SMAD2: variants seen among roughly 807,000 people sequenced by gnomAD.
SMAD2 encodes SMAD family member 2.
In SMAD2, 8 loss-of-function variants were observed where a neutral mutation model predicts 64.4. The ratio of observed to expected loss-of-function variants is 0.12; its 90% CI spans 0.07 to 0.22. The LOEUF is 0.22. SMAD2 is among the 10% of genes least tolerant of loss of function. The pLI is 1.00. For missense variants in SMAD2, 289 were observed against 561.2 expected, an observed-to-expected ratio of 0.51 and a Z score of 4.90; for synonymous variants, 203 against 195.8, an observed-to-expected ratio of 1.04 and a Z score of -0.31.
rs1273900316 is a variant in SMAD2, at chr18:47,820,935, ACACAC to A, written c.*20887_*20891del. ...CACACACACACACACACACACACAC[ACACAC>A]AAAATTTGGTCCCCAATGTTAGAAC... On this transcript the variant is annotated 3_prime_UTR_variant, in exon 11 of 11. Transcript: ENST00000262160. 2 of 145,728 alleles carry A rather than the reference ACACAC, an allele frequency of 1.4e-5. No individual in the cohort carries two copies. The highest frequency in any genetic ancestry group is 5.1e-5 in the African/African-American group (2 of 39,412). The allele number at this position is 145,728 out of a possible 1,614,324, so 9.0% of individuals were successfully genotyped here.
chr18:47,871,700 T>C (rs2031942715), intron 2 of SMAD2, among the ~76,000 whole-genome samples: 1 of 152,204 alleles, frequency 6.6e-6, no homozygotes, highest in Non-Finnish European at 1.5e-5. Flanking sequence ...TTTACCAGAC[T>C]ATAAAAGCCA....
chr18:47,908,482 G>C (rs1462314828), intron 1 of SMAD2, among the ~76,000 whole-genome samples: 1 of 151,572 alleles, frequency 6.6e-6, no homozygotes, highest in Admixed American at 6.6e-5. Context: ...AAAAAACTAA[G>C]AAAAAGGTAT....
Position 47,877,161 on chromosome 18 carries a change from A to ATT in SMAD2, c.237-6599_237-6598dup, listed in dbSNP as rs71162898. Among the ~76,000 whole-genome samples, 171 of 143,972 alleles carry ATT rather than the reference A, an allele frequency of 1.2e-3. 5 individuals are homozygous for ATT. Among genetic ancestry groups the ATT allele is most frequent in the Admixed American group, 9.6e-3 (139 of 14,442 alleles). 94.5% of individuals were successfully genotyped at this position (143,972 alleles called of 152,430 possible). ...CATGATCTTCTTGCCTAAACAGTGT[A>ATT]TTTTTTTTTTTTTTTAACAAATCAA... is the stretch of plus-strand genomic sequence containing the variant. On this transcript the variant is annotated intron_variant, in intron 2 of 10. Transcript: ENST00000262160.
chr18:47,846,739 A>C (rs926530793), intron 8 of SMAD2, among the ~76,000 whole-genome samples: 2 of 152,162 alleles, frequency 1.3e-5, no homozygotes, highest in Non-Finnish European at 2.9e-5. Context: ...AACACAAGCC[A>C]GCTGATACCT....
rs956437762 is a variant in SMAD2, at chr18:47,839,194, G to A, written c.*2633C>T. ...TTGAGTCCCAATTTCATACTGTACA[G>A]AAAAATCGCATCAGAACTGTAGAGA... is the stretch of plus-strand genomic sequence containing the variant. On this transcript the variant is annotated 3_prime_UTR_variant, in exon 11 of 11. Transcript: ENST00000262160. 1 of 233,192 alleles carries A rather than the reference G, an allele frequency of 4.3e-6. No individual in the cohort carries two copies. The highest frequency in any genetic ancestry group is 8.5e-6 in the Non-Finnish European group (1 of 118,044). 14.4% of individuals were successfully genotyped at this position (233,192 alleles called of 1,614,324 possible).
At chr18:47,921,081 CT>C (rs2034541196) in intron 1 of SMAD2, among the ~76,000 whole-genome samples, 1 of 152,178 alleles carries the variant, frequency 6.6e-6, no homozygotes, top group Non-Finnish European at 1.5e-5. Context: ...AACTTGACCC[CT>C]GGCAGTCAAG....
intron 1 of SMAD2, among the ~76,000 whole-genome samples, chr18:47,901,026 G>T (rs761187143): frequency 3.3e-5 from 5 of 152,096 alleles, no homozygotes; most frequent in Non-Finnish European, 7.4e-5. Flanking sequence ...GGGAAAAGAT[G>T]GTTAATACCA....
At chr18:47,873,802 C>A (rs1396277067) in intron 2 of SMAD2, among the ~76,000 whole-genome samples, 1 of 152,142 alleles carries the variant, frequency 6.6e-6, no homozygotes, top group Non-Finnish European at 1.5e-5. Context: ...GCTGTGTACC[C>A]AAGGGCACTC....
chr18:47,914,929 T>G (rs754418489), intron 1 of SMAD2, among the ~76,000 whole-genome samples: 14 of 152,208 alleles, frequency 9.2e-5, no homozygotes, highest in Non-Finnish European at 1.9e-4. Context: ...GTACTCCGAC[T>G]ATGCAAATGA....
intron 2 of SMAD2, among the ~76,000 whole-genome samples, chr18:47,890,214 T>C (rs1282733222): frequency 6.6e-6 from 1 of 152,202 alleles, no homozygotes; most frequent in Non-Finnish European, 1.5e-5. Context: ...TCATCACAAG[T>C]GCTTTCACAT....
chr18:47,900,470 A>G (rs1209200488), intron 1 of SMAD2, among the ~76,000 whole-genome samples: 1 of 151,972 alleles, frequency 6.6e-6, no homozygotes, highest in African/African-American at 2.4e-5. Context: ...TTCAATTCCT[A>G]TTATTTAAAT....
In SMAD2 at chr18:47,816,272, G is replaced by T. The variant is rs768575539; in HGVS notation, c.*25555C>A. ...ATTGTTCAGAAGTTTTAGGTCTTATGAAAAAAAGATTTTTATAAATTATAC... is the reference window on the plus strand; with the variant it reads ...ATTGTTCAGAAGTTTTAGGTCTTATTAAAAAAAGATTTTTATAAATTATAC... On this transcript the variant is annotated 3_prime_UTR_variant, in exon 11 of 11. Transcript: ENST00000262160. The T allele has an allele frequency of 3.3e-5, 5 of 151,888 alleles. No individual in the cohort carries two copies. The highest frequency in any genetic ancestry group is 7.4e-5 in the Non-Finnish European group (5 of 67,962). 9.4% of individuals were successfully genotyped at this position (151,888 alleles called of 1,614,324 possible).
intron 2 of SMAD2, among the ~76,000 whole-genome samples, chr18:47,886,076 T>TC (rs771449427): frequency 1.7e-4 from 26 of 152,200 alleles, no homozygotes; most frequent in Admixed American, 3.3e-4. Context: ...ATATGGGGTA[T>TC]CCCAAGGATA....
chr18:47,913,133 C>G (rs1035966891), intron 1 of SMAD2, among the ~76,000 whole-genome samples: 1 of 152,138 alleles, frequency 6.6e-6, no homozygotes, highest in African/African-American at 2.4e-5. Context: ...ATTGGCCAGG[C>G]TGGTCTCAAA....
rs35869307 is a variant in SMAD2, at chr18:47,882,094, G to C, written c.237-11530C>G. Among the ~76,000 whole-genome samples, 4 of 113,792 alleles carry C rather than the reference G, an allele frequency of 3.5e-5. No homozygotes were observed. The Admixed American group carries it at 4.4e-4, about 13-fold the overall frequency. The allele number at this position is 113,792 out of a possible 152,430, so 74.7% of individuals were successfully genotyped here. On this transcript the variant is annotated intron_variant, in intron 2 of 10. Coordinates refer to ENST00000262160, the MANE Select transcript of SMAD2 (RefSeq NM_005901.6). The stretch of plus-strand genomic sequence containing the variant: ...TGGAGACAGAGTCTTATGTTGCCTA[G>C]GCTGGTTTCAAACTCCTTAACTCTC...
In SMAD2 at chr18:47,834,106, A is replaced by G. The variant is rs747715812; in HGVS notation, c.*7721T>C. The G allele has an allele frequency of 4.7e-6, 1 of 214,406 alleles. No homozygotes were observed. The highest frequency in any genetic ancestry group is 1.9e-4 in the South Asian group (1 of 5,342). The allele number at this position is 214,406 out of a possible 1,614,324, so 13.3% of individuals were successfully genotyped here. A position where few individuals can be genotyped will look rare whatever the true frequency, so the allele number is the denominator to read the frequency against. The stretch of plus-strand genomic sequence containing the variant: ...TCCATTCAAAGTACTAAATGACTGG[A>G]TGGCACATATCCCAATAAGTATCAG... On this transcript the variant is annotated 3_prime_UTR_variant, in exon 11 of 11. Coordinates refer to ENST00000262160, the MANE Select transcript of SMAD2 (RefSeq NM_005901.6).
At chr18:47,872,043 T>C (rs551612791) in intron 2 of SMAD2, among the ~76,000 whole-genome samples, 16 of 152,300 alleles carry the variant, frequency 1.1e-4, no homozygotes, top group African/African-American at 3.4e-4. Flanking sequence ...GAAGTTTACA[T>C]TGTACTTTAT....
intron 1 of SMAD2, among the ~76,000 whole-genome samples, chr18:47,908,712 T>C (rs1436205988): frequency 6.6e-6 from 1 of 152,236 alleles, no homozygotes; most frequent in Non-Finnish European, 1.5e-5. Context: ...AATAATTTCA[T>C]CGCCACCTCC....
intron 2 of SMAD2, among the ~76,000 whole-genome samples, chr18:47,871,721 G>C (rs2031944271): frequency 6.6e-6 from 1 of 152,090 alleles, no homozygotes; most frequent in African/African-American, 2.4e-5. Flanking sequence ...GAAAAAGCCA[G>C]GTAAATTAAG....
Sources: gnomAD v4.1 joint callset for allele counts (sites outside exome capture counted in the v4.1 genomes callset) on GRCh38, gnomAD v4.1.1 for gene constraint, MANE v1.5 for transcripts, NCBI Gene and HGNC (gene_info 2026-07-23, HGNC 2026-07-21) for gene names.